Variants in MAOB observed in about 807,000 individuals in gnomAD.
MAOB encodes monoamine oxidase B.
In MAOB, 15 loss-of-function variants were observed where a neutral mutation model predicts 41.9. The ratio of observed to expected loss-of-function variants is 0.36; its 90% CI spans 0.24 to 0.55. The LOEUF is 0.55. MAOB is among the 20% of genes least tolerant of loss of function. The pLI is 0.86. For missense variants in MAOB, 345 were observed against 398.7 expected (o/e 0.87, Z 1.15); for synonymous variants, 167 against 144.2 (o/e 1.16, Z -1.13).
intron 2 of MAOB, among the ~76,000 whole-genome samples, chrX:43,841,960 G>A (rs370590826): frequency 9.0e-6 from 1 of 111,324 alleles, no homozygotes; most frequent in East Asian, 2.8e-4. Context: ...GACCTGAAAC[G>A]GCAAAATTAC....
intron 1 of MAOB, among the ~76,000 whole-genome samples, chrX:43,857,116 T>TAGAGAG (rs1163831661): frequency 8.8e-5 from 1 of 11,351 alleles, no homozygotes; most frequent in African/African-American, 3.3e-4. Context: ...TATATATATA[T>TAGAGAG]AGAGAGAGAG....
At chrX:43,800,507 G>A (rs762328242) in intron 5 of MAOB, among the ~76,000 whole-genome samples, 3 of 111,040 alleles carry the variant, frequency 2.7e-5, no homozygotes, top group Non-Finnish European at 5.7e-5. Flanking sequence ...TTAATAACAC[G>A]CATTGATTTC....
chrX:43,780,532 C>A (rs375269316), intron 9 of MAOB, 137 bp from the exon 10 acceptor site: 1 of 399,007 alleles, frequency 2.5e-6, no homozygotes, highest in African/African-American at 2.5e-5. Context: ...GCTTTTCTTA[C>A]GTTCAAAGTT....
At chrX:43,782,203 C>T (rs964859846) in intron 8 of MAOB, among the ~76,000 whole-genome samples, 6 of 110,288 alleles carry the variant, frequency 5.4e-5, no homozygotes, top group African/African-American at 3.3e-5. Context: ...ATCCAGGAGC[C>T]GGTTTTTTGA....
intron 8 of MAOB, among the ~76,000 whole-genome samples, chrX:43,788,759 T>A (rs2034430341): frequency 9.0e-6 from 1 of 111,592 alleles, no homozygotes; most frequent in Admixed American, 9.6e-5. Flanking sequence ...GTATGTTTTT[T>A]AAAAAACATG....
At chrX:43,866,050 A>G (rs1229405982) in intron 1 of MAOB, among the ~76,000 whole-genome samples, 2 of 110,857 alleles carry the variant, frequency 1.8e-5, no homozygotes, top group African/African-American at 6.6e-5. Flanking sequence ...GAAACAAGGC[A>G]TCCGAAGTAG....
At chrX:43,841,659 T>C in intron 2 of MAOB, among the ~76,000 whole-genome samples, 1 of 112,089 alleles carries the variant, frequency 8.9e-6, no homozygotes, top group South Asian at 3.7e-4. Flanking sequence ...CTTCAAAATA[T>C]ATTATGAAGC....
At chrX:43,824,103 T>C (rs2034915620) in intron 3 of MAOB, among the ~76,000 whole-genome samples, 1 of 112,211 alleles carries the variant, frequency 8.9e-6, no homozygotes, top group Non-Finnish European at 1.9e-5. Context: ...GCCCTCCCAT[T>C]TCTCACACAT....
chrX:43,847,466 G>T (rs1438067086), intron 1 of MAOB, among the ~76,000 whole-genome samples: 6 of 111,848 alleles, frequency 5.4e-5, no homozygotes, highest in Non-Finnish European at 3.8e-5. Context: ...CCACAATGCT[G>T]AGGAATATTA....
chrX:43,837,206 C>T (rs1320314125), intron 3 of MAOB, among the ~76,000 whole-genome samples: 3 of 112,188 alleles, frequency 2.7e-5, no homozygotes, highest in Non-Finnish European at 5.6e-5. Context: ...AGAAAATCTA[C>T]ATTTAAAAAA....
chrX:43,776,581 C>G lies in MAOB; in HGVS notation c.1138-1309G>C, dbSNP rs750799429. Reference sequence around the variant, plus strand: ...TTTTTTTTTAAATCAACTCCACACTCTTTATTCTCCAGACCTCTAGCACTG... The same window carrying G: ...TTTTTTTTTAAATCAACTCCACACTGTTTATTCTCCAGACCTCTAGCACTG... On this transcript the variant is annotated intron_variant, in intron 11 of 14. Transcript: ENST00000378069. Among the ~76,000 whole-genome samples, 4 of 110,522 alleles carry G rather than the reference C, an allele frequency of 3.6e-5. No homozygotes were observed. In the Admixed American group the frequency reaches 3.8e-4, roughly 11 times the overall value.
rs907441656 is a variant in MAOB, at chrX:43,865,926, G to A, written c.46+16328C>T. Reference sequence around the variant, plus strand: ...TTACCTAGGTCAGGGGTGGGAGGGAGGAGAACTAGGAAGACTACACGTGAC... The same window carrying A: ...TTACCTAGGTCAGGGGTGGGAGGGAAGAGAACTAGGAAGACTACACGTGAC... On this transcript the variant is annotated intron_variant, in intron 1 of 14. Transcript: ENST00000378069. Among the ~76,000 whole-genome samples, 4 of 110,565 alleles carry A rather than the reference G, an allele frequency of 3.6e-5. No homozygotes were observed. The Admixed American group carries it at 3.9e-4, about 11-fold the overall frequency.
At chrX:43,794,283 A>G (rs2034500627) in intron 7 of MAOB, among the ~76,000 whole-genome samples, 1 of 110,633 alleles carries the variant, frequency 9.0e-6, no homozygotes, top group Admixed American at 9.6e-5. Flanking sequence ...CACATGGCTC[A>G]ATCCCTCGTC....
At chrX:43,772,876 G>A (rs1314513898) in intron 12 of MAOB, among the ~76,000 whole-genome samples, 1 of 111,759 alleles carries the variant, frequency 8.9e-6, no homozygotes, top group African/African-American at 3.3e-5. Flanking sequence ...CTTTCGCCAT[G>A]TGACTTGCCT....
chrX:43,799,168 T>A (rs1424854929), intron 5 of MAOB, among the ~76,000 whole-genome samples: 1 of 111,685 alleles, frequency 9.0e-6, no homozygotes, highest in Non-Finnish European at 1.9e-5. Context: ...TCCCCATCAT[T>A]ACAGCCTGTG....
intron 1 of MAOB, among the ~76,000 whole-genome samples, chrX:43,878,532 C>T (rs2035454702): frequency 9.1e-6 from 1 of 110,277 alleles, no homozygotes. Context: ...CAAGATAAAT[C>T]GTATGTTCTT....
chrX:43,815,313 C>G (rs972045647), intron 3 of MAOB, among the ~76,000 whole-genome samples: 1 of 111,889 alleles, frequency 8.9e-6, no homozygotes, highest in African/African-American at 3.2e-5. Context: ...AATATCATCC[C>G]TTTATTTAGG....
chrX:43,857,478 C>T (rs962911707), intron 1 of MAOB, among the ~76,000 whole-genome samples: 5 of 110,279 alleles, frequency 4.5e-5, no homozygotes, highest in Non-Finnish European at 9.5e-5. Context: ...CTGCTCCTGG[C>T]CACAAACTAC....
intron 2 of MAOB, 21 bp from the exon 3 acceptor site, chrX:43,839,026 A>T: frequency 1.8e-6 from 2 of 1,104,806 alleles, no homozygotes; most frequent in Non-Finnish European, 2.4e-6. Flanking sequence ...ATAGGAAAAA[A>T]TTAAAAAAAA....
Sources: allele counts gnomAD v4.1 joint callset (sites outside exome capture counted in the v4.1 genomes callset), GRCh38; gene constraint gnomAD v4.1.1; transcripts MANE v1.5; gene names NCBI Gene and HGNC (gene_info 2026-07-23, HGNC 2026-07-21).